ALDH1A1: variants seen among roughly 807,000 people sequenced by gnomAD.
The protein encoded by ALDH1A1 is aldehyde dehydrogenase 1A1.
In ALDH1A1, 19 loss-of-function variants were observed where a neutral mutation model predicts 62.1. That is an observed-to-expected ratio of 0.31 (90% CI 0.21 to 0.45). The LOEUF (loss-of-function observed/expected upper bound fraction) is 0.45, where lower values mean the gene tolerates loss of function less well. Among genes scored for constraint, ALDH1A1 ranks in the 20% least tolerant of loss-of-function variants. ALDH1A1 has a pLI of 1.00. For synonymous variants in ALDH1A1, 231 were observed against 215.9 expected (o/e 1.07, Z -0.61); for missense variants, 521 against 607.1 (o/e 0.86, Z 1.49).
intron 11 of ALDH1A1, among the ~76,000 whole-genome samples, chr9:72,907,409 G>A (rs1829890171): frequency 6.6e-6 from 1 of 152,114 alleles, no homozygotes; most frequent in Non-Finnish European, 1.5e-5. Flanking sequence ...GGTCCCCTCT[G>A]TTTTTCATAA....
intron 1 of ALDH1A1, among the ~76,000 whole-genome samples, chr9:72,942,832 C>T (rs932790407): frequency 1.3e-5 from 2 of 152,148 alleles, no homozygotes; most frequent in Non-Finnish European, 2.9e-5. Context: ...GTCATCTCCT[C>T]ATGAAGATTT....
At chr9:72,932,244 T>TG (rs1289498623) in intron 2 of ALDH1A1, among the ~76,000 whole-genome samples, 4 of 152,152 alleles carry the variant, frequency 2.6e-5, no homozygotes, top group Non-Finnish European at 5.9e-5. Flanking sequence ...CTTTAAGAAT[T>TG]GGGGGAGAGA....
At chr9:72,942,461 A>G (rs1563917061) in intron 1 of ALDH1A1, 1 of 808,786 alleles carries the variant, frequency 1.2e-6, no homozygotes, top group East Asian at 1.2e-4. Flanking sequence ...ACTTTGTTCT[A>G]TACAAGTATA....
At chr9:72,919,057 A>G (rs1830101527) in intron 7 of ALDH1A1, among the ~76,000 whole-genome samples, 1 of 152,050 alleles carries the variant, frequency 6.6e-6, no homozygotes, top group Non-Finnish European at 1.5e-5. Context: ...TCTCTGGCAA[A>G]TGGCATTTTT....
intron 2 of ALDH1A1, among the ~76,000 whole-genome samples, chr9:72,935,271 A>G (rs982791839): frequency 2.0e-5 from 3 of 152,194 alleles, no homozygotes; most frequent in Non-Finnish European, 4.4e-5. Context: ...TTAATTAAAC[A>G]GAAAACAATT....
At position 72,940,156 on chromosome 9, in the gene ALDH1A1, C is replaced by T; in HGVS notation, c.163G>A (p.Gly55Arg). Reference protein sequence around the residue: ...TEEELCQVEEGDKEDVDKAVK... With the variant: ...TEEELCQVEERDKEDVDKAVK... ...AGTGTTCAGAAACTCACCTTATCTC[C>T]TTCTTCTACCTGGCAGAGCTCCTCC... Residue 55 changes from glycine (G) to arginine (R), a missense_variant, in exon 2 of 13, where the codon GGA (glycine) becomes AGA (arginine). Transcript: ENST00000297785. The T allele has an allele frequency of 6.2e-7, 1 of 1,611,956 alleles. No homozygotes were observed. The highest frequency in any genetic ancestry group is 1.1e-5 in the South Asian group (1 of 91,034).
chr9:72,903,702 T>C (rs1305712554), intron 12 of ALDH1A1, among the ~76,000 whole-genome samples: 1 of 152,100 alleles, frequency 6.6e-6, no homozygotes, highest in Admixed American at 6.6e-5. Flanking sequence ...TGATGGTTGA[T>C]TCCTGTTTTC....
At chr9:72,940,341 C>T (rs1830401640) in intron 1 of ALDH1A1, 89 bp from the exon 2 acceptor site, 3 of 913,058 alleles carry the variant, frequency 3.3e-6, no homozygotes, top group Non-Finnish European at 1.8e-6. Context: ...AAGCATTTCA[C>T]CATGCCTAAA....
chr9:72,952,457 T>G (rs1830555207), intron 1 of ALDH1A1, among the ~76,000 whole-genome samples: 1 of 151,988 alleles, frequency 6.6e-6, no homozygotes, highest in African/African-American at 2.4e-5. Context: ...CGAATCCAAT[T>G]ATCAGACTTA....
intron 9 of ALDH1A1, among the ~76,000 whole-genome samples, chr9:72,913,880 G>A (rs1268000536): frequency 6.6e-6 from 1 of 152,174 alleles, no homozygotes; most frequent in Non-Finnish European, 1.5e-5. Flanking sequence ...TGGAGCTTGG[G>A]ACTACAAACA....
intron 1 of ALDH1A1, among the ~76,000 whole-genome samples, chr9:72,950,199 G>T (rs995570598): frequency 6.6e-6 from 1 of 151,842 alleles, no homozygotes; most frequent in Non-Finnish European, 1.5e-5. Context: ...CATTAAGTTC[G>T]TTTAATACTT....
chr9:72,944,565 T>C (rs1008552354), intron 1 of ALDH1A1, among the ~76,000 whole-genome samples: 11 of 152,098 alleles, frequency 7.2e-5, no homozygotes, highest in Non-Finnish European at 1.5e-4. Context: ...ATAATCACTG[T>C]TCCTATAGTT....
intron 9 of ALDH1A1, among the ~76,000 whole-genome samples, chr9:72,913,414 A>G (rs1830016459): frequency 6.6e-6 from 1 of 152,214 alleles, no homozygotes; most frequent in Non-Finnish European, 1.5e-5. Flanking sequence ...GTTGAATAGT[A>G]GCAGACTAAG....
chr9:72,943,252 G>T (rs151166673), intron 1 of ALDH1A1, among the ~76,000 whole-genome samples: 172 of 152,228 alleles, frequency 1.1e-3, no homozygotes, highest in African/African-American at 4.0e-3. Flanking sequence ...GGACTTTCTA[G>T]TTCTCGCCCG....
intron 12 of ALDH1A1, 31 bp from the exon 13 acceptor site, chr9:72,901,311 C>A (rs1271326996): frequency 6.9e-7 from 1 of 1,450,318 alleles, no homozygotes; most frequent in East Asian, 2.3e-5. Context: ...CCCACAAACA[C>A]CATTTAGCAC....
chr9:72,918,874 G>A, intron 7 of ALDH1A1, 52 bp from the exon 8 acceptor site: 1 of 1,346,588 alleles, frequency 7.4e-7, no homozygotes, highest in Non-Finnish European at 1.1e-6. Context: ...CATGAACACA[G>A]GTTGCTTTAG....
chr9:72,936,509 T>G (rs1404945926), intron 2 of ALDH1A1, among the ~76,000 whole-genome samples: 1 of 152,150 alleles, frequency 6.6e-6, no homozygotes, highest in Non-Finnish European at 1.5e-5. Flanking sequence ...CCTTTATTGC[T>G]TTTCTCACCT....
chr9:72,943,165 C>T (rs1042605460), intron 1 of ALDH1A1, among the ~76,000 whole-genome samples: 9 of 152,132 alleles, frequency 5.9e-5, no homozygotes, highest in African/African-American at 2.2e-4. Flanking sequence ...AGAATTTCAC[C>T]CTTCTACAAT....
intron 2 of ALDH1A1, among the ~76,000 whole-genome samples, chr9:72,938,637 AG>A (rs2118563470): frequency 6.6e-6 from 1 of 151,370 alleles, no homozygotes; most frequent in African/African-American, 2.4e-5. Context: ...AGTAGAGACG[AG>A]GTTTCACCAT....
Sources: gnomAD v4.1 joint callset for allele counts (sites outside exome capture counted in the v4.1 genomes callset) on GRCh38, gnomAD v4.1.1 for gene constraint, MANE v1.5 for transcripts, NCBI Gene and HGNC (gene_info 2026-07-23, HGNC 2026-07-21) for gene names.